The following FANCI variants were observed in gnomAD, a reference collection of about 807,000 sequenced individuals.
FANCI encodes Fanconi anemia group I protein.
Under a neutral mutation model 176.1 loss-of-function variants are expected in FANCI, and 156 were observed. The observed-to-expected ratio is 0.89, with a 90% confidence interval of 0.78 to 1.01. FANCI has a LOEUF of 1.01. FANCI is among the 50% of genes least tolerant of loss of function. FANCI has a pLI of 0.00. For synonymous variants in FANCI, 613 were observed against 541.7 expected (o/e 1.13, Z -1.83); for missense variants, 1,678 against 1,534.1 (o/e 1.09, Z -1.57).
intron 7 of FANCI, 139 bp from the exon 8 acceptor site, chr15:89,263,764 C>T: frequency 9.8e-7 from 1 of 1,016,604 alleles, no homozygotes; most frequent in Non-Finnish European, 1.5e-6. Context: ...AATCTATTAT[C>T]TCTTTAATTC....
chr15:89,273,048 C>G (rs2053259079), intron 10 of FANCI, among the ~76,000 whole-genome samples: 1 of 151,798 alleles, frequency 6.6e-6, no homozygotes, highest in African/African-American at 2.4e-5. Flanking sequence ...ACCTGTAATC[C>G]CAGCACTTTG....
intron 18 of FANCI, among the ~76,000 whole-genome samples, chr15:89,285,466 A>G (rs932880466): frequency 6.6e-6 from 1 of 152,120 alleles, no homozygotes; most frequent in African/African-American, 2.4e-5. Context: ...AAAAATAAGA[A>G]AATAAAAAAC....
intron 2 of FANCI, among the ~76,000 whole-genome samples, chr15:89,256,486 T>TA (rs2052499156): frequency 1.3e-5 from 2 of 152,218 alleles, no homozygotes; most frequent in African/African-American, 4.8e-5. Flanking sequence ...GAGAGTTTAT[T>TA]GTTTTATTAG....
intron 37 of FANCI, 67 bp downstream of exon 37, chr15:89,315,456 A>G: frequency 9.1e-7 from 1 of 1,101,582 alleles, no homozygotes; most frequent in Non-Finnish European, 1.4e-6. Flanking sequence ...ATCTGGGAGC[A>G]GTCACAGATT....
intron 2 of FANCI, among the ~76,000 whole-genome samples, chr15:89,253,652 C>T (rs1024679858): frequency 2.0e-5 from 3 of 152,006 alleles, no homozygotes; most frequent in South Asian, 4.2e-4. Context: ...ATAAGTTTGT[C>T]TACATATAAG....
At chr15:89,253,715 G>GC (rs1254335682) in intron 2 of FANCI, among the ~76,000 whole-genome samples, 8 of 146,782 alleles carry the variant, frequency 5.5e-5, no homozygotes, top group African/African-American at 1.8e-4. Flanking sequence ...AAGACAAATG[G>GC]CAAACTGGGA....
intron 36 of FANCI, among the ~76,000 whole-genome samples, chr15:89,315,075 C>A (rs1413859022): frequency 6.6e-6 from 1 of 152,090 alleles, no homozygotes; most frequent in Non-Finnish European, 1.5e-5. Flanking sequence ...TCCCAAAGTG[C>A]TGGGATTACA....
chr15:89,300,275 A>T, intron 25 of FANCI, 25 bp from the exon 26 acceptor site: 1 of 1,603,060 alleles, frequency 6.2e-7, no homozygotes. Flanking sequence ...ATCAAAGAAG[A>T]CAAGAGTTTC....
rs201553891 is a variant in FANCI at position 89,260,839 on chromosome 15, T to A, written c.284T>A (p.Leu95Gln). Residue 95 changes from leucine to glutamine, a missense_variant, in exon 4 of 38, where the codon CTG (leucine) becomes CAG (glutamine). Around this residue, in one of 3 missense-constraint regions of FANCI, gnomAD observed 469 missense variants for 436.9 expected, o/e 1.07. Transcript: ENST00000310775. ...IASEIIGLLMLEAHHFPGPLL... is the reference protein window; with the variant it reads ...IASEIIGLLMQEAHHFPGPLL... ...TCTGAGATCATAGGATTACTGATGC[T>A]GGAGGTAAGATGGCAAACAAAAACT... 1.4e-5 allele frequency: 23 copies of A among 1,613,736 alleles called. No individual in the cohort carries two copies. The East Asian group carries it at 4.9e-4, about 34-fold the overall frequency.
At chr15:89,316,277 G>T in intron 37 of FANCI, 120 bp from the exon 38 acceptor site, 1 of 1,012,842 alleles carries the variant, frequency 9.9e-7, no homozygotes. Flanking sequence ...TGGGAAAGTG[G>T]GGAAAGCATG....
rs996737796 is a variant in FANCI, at chr15:89,285,316, C to T, written c.1821+98C>T. On this transcript the variant is annotated intron_variant, in intron 18 of 37. Coordinates refer to ENST00000310775, the MANE Select transcript of FANCI (RefSeq NM_001113378.2). ...ATTATAAAAGTACAATAGCTATGCT[C>T]TTACTTGATGTAGTCAGCACCAGTA... 41 of 1,481,498 alleles carry T rather than the reference C, an allele frequency of 2.8e-5. No individual in the cohort carries two copies. The Middle Eastern group carries it at 1.0e-3, about 37-fold the overall frequency. 91.8% of individuals were successfully genotyped at this position (1,481,498 alleles called of 1,614,324 possible). A position where few individuals can be genotyped will look rare whatever the true frequency, so the allele number is the denominator to read the frequency against.
chr15:89,305,819 T>G (rs2054696697), intron 31 of FANCI, 121 bp downstream of exon 31: 2 of 1,176,144 alleles, frequency 1.7e-6, no homozygotes, highest in Admixed American at 3.9e-5. Flanking sequence ...AAGCTAGATT[T>G]TTTCCTATGT....
At chr15:89,264,690 C>A in intron 9 of FANCI, 83 bp downstream of exon 9, 1 of 1,234,260 alleles carries the variant, frequency 8.1e-7, no homozygotes, top group Non-Finnish European at 1.2e-6. Context: ...ATTTTCTTCT[C>A]TCTCACCGCC....
chr15:89,314,165 T>C (rs2055100376), intron 35 of FANCI, among the ~76,000 whole-genome samples: 1 of 131,460 alleles, frequency 7.6e-6, no homozygotes, highest in Non-Finnish European at 1.6e-5. Flanking sequence ...GTAGGACCTT[T>C]CGTTAGGGGG....
chr15:89,314,616 G>C lies in FANCI; in HGVS notation c.3725G>C (p.Arg1242Thr). Residue 1242 changes from arginine (R) to threonine (T), a missense_variant, in exon 36 of 38, where the codon AGA (arginine) becomes ACA (threonine). By Grantham distance (71) the Arg-to-Thr change is moderately conservative. This residue lies in a region of FANCI where 1,204 missense variants were observed against 1,077.4 expected (regional missense o/e 1.12). Coordinates refer to ENST00000310775, the MANE Select transcript of FANCI (RefSeq NM_001113378.2). ...KPAAVATAMA[R>T]VLRETKPIPN... ...TCTTATGTTCTTTGCCCTTAGGCCA[G>C]AGTTCTTCGGGAAACCAAGCCAATC... The C allele has an allele frequency of 6.2e-7, 1 of 1,613,582 alleles. No individual in the cohort carries two copies. The highest frequency in any genetic ancestry group is 1.3e-5 in the African/African-American group (1 of 75,042).
chr15:89,287,014 A>C (rs2053845895), intron 18 of FANCI, among the ~76,000 whole-genome samples: 1 of 93,806 alleles, frequency 1.1e-5, no homozygotes, highest in African/African-American at 5.5e-5. Context: ...TCACTCTGTC[A>C]CAAGGCTGTA....
At position 89,263,925 on chromosome 15, in the gene FANCI, G is replaced by A; in HGVS notation, c.568G>A (p.Glu190Lys). The change falls in exon 8 of 38, where the codon GAG becomes AAG. Residue 190 changes from glutamate (E) to lysine (K), a missense_variant. Glu to Lys is a moderately conservative substitution (Grantham distance 56). Coordinates refer to ENST00000310775, the MANE Select transcript of FANCI (RefSeq NM_001113378.2). Reference protein sequence around the residue: ...MFKDVPLTAEEVEFVVEKALS... With the variant: ...MFKDVPLTAEKVEFVVEKALS... ...CAGGGATGTCCCTCTGACTGCAGAA[G>A]AGGTGGAATTTGTGGTGGAAAAAGC... 1 of 1,614,100 alleles carries A rather than the reference G, an allele frequency of 6.2e-7. No homozygotes were observed. Among genetic ancestry groups the A allele is most frequent in the Non-Finnish European group, 8.5e-7 (1 of 1,179,956 alleles).
At chr15:89,262,636 T>C (rs1007389371) in intron 6 of FANCI, among the ~76,000 whole-genome samples, 1 of 152,218 alleles carries the variant, frequency 6.6e-6, no homozygotes, top group Non-Finnish European at 1.5e-5. Flanking sequence ...TATGGTTCCT[T>C]ACATAAGATC....
At chr15:89,251,502 A>AT (rs1309805948) in intron 2 of FANCI, among the ~76,000 whole-genome samples, 2 of 152,174 alleles carry the variant, frequency 1.3e-5, no homozygotes, top group East Asian at 1.9e-4. Context: ...TATAACATTG[A>AT]TTTTTTTATG....
Sources: allele counts gnomAD v4.1 joint callset (sites outside exome capture counted in the v4.1 genomes callset), GRCh38; gene constraint gnomAD v4.1.1; regional missense constraint gnomAD v4.1.1; transcripts MANE v1.5; gene names NCBI Gene and HGNC (gene_info 2026-07-23, HGNC 2026-07-21).